MITF: variants seen among roughly 807,000 people sequenced by gnomAD.
The protein encoded by MITF is microphthalmia-associated transcription factor.
Under a neutral mutation model 60.5 loss-of-function variants are expected in MITF, and 17 were observed. That is an observed-to-expected ratio of 0.28 (90% confidence interval 0.19 to 0.42). MITF has a LOEUF of 0.42. Ranked by LOEUF, MITF falls within the 10% of genes least tolerant of loss-of-function variation. The pLI is 1.00. For synonymous variants in MITF, 260 were observed against 248.5 expected (o/e 1.05, Z -0.43); for missense variants, 622 against 683.5 (o/e 0.91, Z 1.00).
chr3:69,911,594 T>G (rs1008316784), intron 2 of MITF, among the ~76,000 whole-genome samples: 1 of 152,144 alleles, frequency 6.6e-6, no homozygotes. Context: ...GTACCTAGAA[T>G]ATATAAAGAA....
rs370444134 is a variant in MITF at position 69,939,905 on chromosome 3, A to G, written c.666+724A>G. ...TTCATAAGTTTCCTAGCCTATTTGC[A>G]TATTTACCAACTCAATTAGAAAATC... On this transcript the variant is annotated intron_variant, in intron 4 of 9. Coordinates refer to ENST00000352241, the MANE Select transcript of MITF (RefSeq NM_001354604.2). Among the ~76,000 whole-genome samples, 12 of 152,352 alleles carry G rather than the reference A, an allele frequency of 7.9e-5. No homozygotes were observed. The South Asian group carries it at 1.4e-3, about 18-fold the overall frequency.
chr3:69,822,970 C>T (rs929488477), intron 1 of MITF, among the ~76,000 whole-genome samples: 1 of 151,550 alleles, frequency 6.6e-6, no homozygotes. Context: ...GCAATCTCGG[C>T]TCACTGCAAG....
intron 1 of MITF, among the ~76,000 whole-genome samples, chr3:69,863,178 G>A (rs910347478): frequency 6.6e-6 from 1 of 152,118 alleles, no homozygotes; most frequent in Admixed American, 6.5e-5. Flanking sequence ...TAAACCAAAC[G>A]GACATGGTTC....
chr3:69,941,169 C>A, intron 4 of MITF, 67 bp from the exon 5 acceptor site: 1 of 1,039,192 alleles, frequency 9.6e-7, no homozygotes, highest in Non-Finnish European at 1.5e-6. Context: ...GACCATGAGT[C>A]TCTTTTTAGG....
intron 1 of MITF, among the ~76,000 whole-genome samples, chr3:69,782,199 T>C (rs2062576851): frequency 1.3e-5 from 2 of 152,106 alleles, no homozygotes; most frequent in South Asian, 4.1e-4. Flanking sequence ...TTTAGAGAGG[T>C]TGTTGTACAG....
At chr3:69,878,689 A>T (rs2064410509) in intron 1 of MITF, among the ~76,000 whole-genome samples, 1 of 152,202 alleles carries the variant, frequency 6.6e-6, no homozygotes, top group South Asian at 2.1e-4. Flanking sequence ...CATTTTAGGC[A>T]TCTTCAAAGA....
At chr3:69,835,717 A>G (rs1183042129) in intron 1 of MITF, among the ~76,000 whole-genome samples, 2 of 152,116 alleles carry the variant, frequency 1.3e-5, no homozygotes, top group Admixed American at 6.5e-5. Context: ...TCTCAGCACC[A>G]TGTATTAAGG....
chr3:69,780,376 G>T (rs894615749), intron 1 of MITF, among the ~76,000 whole-genome samples: 14 of 152,194 alleles, frequency 9.2e-5, no homozygotes, highest in African/African-American at 3.1e-4. Context: ...TTACAAAGAA[G>T]ATGCATGCCA....
intron 1 of MITF, among the ~76,000 whole-genome samples, chr3:69,860,334 C>T (rs1019513139): frequency 3.3e-5 from 5 of 152,128 alleles, no homozygotes; most frequent in Admixed American, 1.3e-4. Flanking sequence ...AGGCTGGGCG[C>T]GGTGGCTCAC....
intron 7 of MITF, among the ~76,000 whole-genome samples, chr3:69,952,185 C>A (rs1350494900): frequency 2.0e-5 from 3 of 151,804 alleles, no homozygotes; most frequent in African/African-American, 7.3e-5. Context: ...GAGAATTGAT[C>A]CCCAACTACC....
intron 1 of MITF, among the ~76,000 whole-genome samples, chr3:69,850,225 G>A (rs573575167): frequency 6.6e-6 from 1 of 152,298 alleles, no homozygotes; most frequent in South Asian, 2.1e-4. Flanking sequence ...TCAGATGAAT[G>A]AATGTAGTTA....
chr3:69,938,248 C>A, intron 3 of MITF, 199 bp downstream of exon 3: 2 of 1,167,140 alleles, frequency 1.7e-6, no homozygotes, highest in South Asian at 1.3e-5. Context: ...GAGCACATGA[C>A]GGGAGACCTG....
Position 69,967,810 on chromosome 3 carries a change from T to C in MITF, c.*2562T>C, listed in dbSNP as rs2107559664. The C allele has an allele frequency of 4.3e-6, 1 of 232,954 alleles. No individual in the cohort carries two copies. Among genetic ancestry groups the C allele is most frequent in the Non-Finnish European group, 8.5e-6 (1 of 117,896 alleles). The allele number at this position is 232,954 out of a possible 1,614,324, so 14.4% of individuals were successfully genotyped here. ...GGGCTTGTTGTTTGTAACAAGAAAATGATCCACACCACTCCCCCGATTCCC... is the reference window on the plus strand; with the variant it reads ...GGGCTTGTTGTTTGTAACAAGAAAACGATCCACACCACTCCCCCGATTCCC... On this transcript the variant is annotated 3_prime_UTR_variant, in exon 10 of 10. Coordinates refer to ENST00000352241, the MANE Select transcript of MITF (RefSeq NM_001354604.2).
At chr3:69,960,283 T>A (rs2066507842) in intron 9 of MITF, among the ~76,000 whole-genome samples, 1 of 152,194 alleles carries the variant, frequency 6.6e-6, no homozygotes, top group Admixed American at 6.5e-5. Flanking sequence ...TTATAAATAG[T>A]GGAATTATAG....
intron 9 of MITF, among the ~76,000 whole-genome samples, chr3:69,962,694 A>G (rs1169765954): frequency 6.6e-6 from 1 of 152,218 alleles, no homozygotes; most frequent in Admixed American, 6.5e-5. Context: ...TCAGGAATCA[A>G]TTAAAGTCTG....
In MITF at chr3:69,968,123, A is replaced by G. The variant is rs772385848; in HGVS notation, c.*2875A>G. The G allele has an allele frequency of 3.0e-5, 7 of 233,276 alleles. No homozygotes were observed. Among genetic ancestry groups the G allele is most frequent in the East Asian group, 6.0e-5 (1 of 16,530 alleles). 14.5% of individuals were successfully genotyped at this position (233,276 alleles called of 1,614,324 possible). On this transcript the variant is annotated 3_prime_UTR_variant, in exon 10 of 10. Transcript: ENST00000352241. Reference sequence around the variant, plus strand: ...GGAAAAAGTTGATGTCAATAACAGTATAAAACAGCCCTATTTCTTGATAAA... The same window carrying G: ...GGAAAAAGTTGATGTCAATAACAGTGTAAAACAGCCCTATTTCTTGATAAA...
intron 1 of MITF, among the ~76,000 whole-genome samples, chr3:69,760,744 C>G (rs2062199869): frequency 6.6e-6 from 1 of 152,150 alleles, no homozygotes; most frequent in African/African-American, 2.4e-5. Context: ...CTGGTAGTCT[C>G]TACTTCAGGA....
rs748587829 is a variant in MITF, at chr3:69,842,614, A to G, written c.105-36520A>G. Among the ~76,000 whole-genome samples the G allele has an allele frequency of 2.3e-4, 35 of 152,318 alleles. 1 individual carries two copies. Among genetic ancestry groups the G allele is most frequent in the Admixed American group, 6.5e-4 (10 of 15,300 alleles). On this transcript the variant is annotated intron_variant, in intron 1 of 9. Transcript: ENST00000352241. ...GTGTGTGCTTGGTGCAGCTGGGTGC[A>G]GTTTTCAGGGTGTTCACCTACTGTT...
intron 1 of MITF, among the ~76,000 whole-genome samples, chr3:69,833,639 A>G (rs1300768802): frequency 2.7e-5 from 4 of 149,612 alleles, no homozygotes; most frequent in African/African-American, 5.0e-5. Flanking sequence ...TTGTTTTTCT[A>G]TTTACACTGT....
Sources: gnomAD v4.1 joint callset for allele counts (sites outside exome capture counted in the v4.1 genomes callset) on GRCh38, gnomAD v4.1.1 for gene constraint, MANE v1.5 for transcripts, NCBI Gene and HGNC (gene_info 2026-07-23, HGNC 2026-07-21) for gene names.